Variants in PKHD1L1 observed in about 807,000 individuals in gnomAD.
PKHD1L1 encodes the protein PKHD1 like 1, also known as fibrocystin-L.
A neutral mutation model predicts 462.9 loss-of-function variants in PKHD1L1; 434 were observed. The ratio of observed to expected loss-of-function variants is 0.94; its 90% CI spans 0.87 to 1.02. The LOEUF (loss-of-function observed/expected upper bound fraction) is 1.02. Ranked by LOEUF, PKHD1L1 falls within the 50% of genes least tolerant of loss-of-function variation. PKHD1L1 has a pLI of 0.00. For missense variants in PKHD1L1, 5,202 were observed against 5,096.1 expected (o/e 1.02, Z -0.63); for synonymous variants, 1,781 against 1,750.0 (o/e 1.02, Z -0.44).
rs1334602135 is a variant in PKHD1L1, at chr8:109,381,448, T to G, written c.242T>G (p.Phe81Cys). 3.8e-6 allele frequency: 6 copies of G among 1,583,314 alleles called. No homozygotes were observed. The highest frequency in any genetic ancestry group is 5.2e-6 in the Non-Finnish European group (6 of 1,162,402). The change falls in exon 3 of 78, where the codon TTC (phenylalanine) becomes TGC (cysteine). Residue 81 changes from phenylalanine to cysteine, a missense_variant. Physicochemically the swap from Phe to Cys is radical, Grantham distance 205 (BLOSUM62 -2). This residue lies in a region of PKHD1L1 where 4,497 missense variants were observed against 4,336.8 expected (regional missense o/e 1.04). Transcript: ENST00000378402. ...AACAGTGTGCAATTAATTTCTTCTTTCCAGTCAATTACTTGTGATGTAGAA... is the reference window on the plus strand; with the variant it reads ...AACAGTGTGCAATTAATTTCTTCTTGCCAGTCAATTACTTGTGATGTAGAA... ...LGNSVQLISSFQSITCDVEKD... is the reference protein window; with the variant it reads ...LGNSVQLISSCQSITCDVEKD...
intron 74 of PKHD1L1, among the ~76,000 whole-genome samples, 176 bp from the exon 75 acceptor site, chr8:109,522,568 T>C (rs1268811553): frequency 6.6e-6 from 1 of 152,234 alleles, no homozygotes; most frequent in Non-Finnish European, 1.5e-5. Flanking sequence ...GCTTTGCATA[T>C]TTATAACAAT....
chr8:109,479,196 G>T (rs546904665), intron 53 of PKHD1L1, among the ~76,000 whole-genome samples: 1 of 152,040 alleles, frequency 6.6e-6, no homozygotes, highest in Non-Finnish European at 1.5e-5. Context: ...ACTGAAGACC[G>T]TCTGTCCTCC....
rs559784738 is a variant in PKHD1L1 at position 109,473,177 on chromosome 8, A to C, written c.8606-1941A>C. On this transcript the variant is annotated intron_variant, in intron 50 of 77. Coordinates refer to ENST00000378402, the MANE Select transcript of PKHD1L1 (RefSeq NM_177531.6). The stretch of plus-strand genomic sequence containing the variant: ...TTTGTTTCACTTGTGAAACTGAATT[A>C]TTAAGAAATGTCAGGTTAAATGCAA... 3.3e-5 allele frequency among the ~76,000 whole-genome samples: 5 copies of C among 152,330 alleles called. No individual in the cohort carries two copies. In the East Asian group the frequency reaches 9.7e-4, roughly 29 times the overall value.
rs1309370466 is a variant in PKHD1L1 at position 109,530,387 on chromosome 8, T to C, written c.*297T>C. The C allele has an allele frequency of 1.1e-5, 2 of 188,508 alleles. No individual in the cohort carries two copies. The highest frequency in any genetic ancestry group is 4.7e-5 in the African/African-American group (2 of 42,482). 11.7% of individuals were successfully genotyped at this position (188,508 alleles called of 1,614,324 possible). ...TGTACCAACAAATCATAGAATCCTT[T>C]AAATAATGGAAAGAGCTTGTCTAGT... is the stretch of plus-strand genomic sequence containing the variant. On this transcript the variant is annotated 3_prime_UTR_variant, in exon 78 of 78. Coordinates refer to ENST00000378402, the MANE Select transcript of PKHD1L1 (RefSeq NM_177531.6).
chr8:109,365,919 A>T (rs1811206907), intron 2 of PKHD1L1, among the ~76,000 whole-genome samples: 1 of 152,192 alleles, frequency 6.6e-6, no homozygotes, highest in Admixed American at 6.5e-5. Context: ...GGTTGCAGTG[A>T]GCCGAGATCG....
At chr8:109,408,984 C>T (rs1365428926) in intron 18 of PKHD1L1, among the ~76,000 whole-genome samples, 1 of 152,156 alleles carries the variant, frequency 6.6e-6, no homozygotes, top group African/African-American at 2.4e-5. Flanking sequence ...CCATAGGGGG[C>T]AGCCATTCAT....
rs767155808 is a variant in PKHD1L1, at chr8:109,508,269, G to T, written c.11395+5G>T. ...GTTATGTTGATCTTATTAATGGTAG[G>T]TATTCAATATGAGTAAACTACAATT... On this transcript the variant is annotated splice_donor_5th_base_variant and intron_variant, in intron 70 of 77. Coordinates refer to ENST00000378402, the MANE Select transcript of PKHD1L1 (RefSeq NM_177531.6). 6.3e-7 allele frequency: 1 copy of T among 1,595,896 alleles called. No individual in the cohort carries two copies. The highest frequency in any genetic ancestry group is 8.5e-7 in the Non-Finnish European group (1 of 1,172,782).
In PKHD1L1 at chr8:109,464,831, G is replaced by A. The variant is rs768523772; in HGVS notation, c.7999G>A (p.Ala2667Thr). The change falls in exon 49 of 78, where the codon GCC becomes ACC. Residue 2667 changes from alanine (A) to threonine (T), a missense_variant. By Grantham distance (58) the Ala-to-Thr change is moderately conservative (BLOSUM62 0). Around this residue, in one of 3 missense-constraint regions of PKHD1L1, gnomAD observed 4,497 missense variants for 4,336.8 expected, o/e 1.04. Transcript: ENST00000378402. The stretch of plus-strand genomic sequence containing the variant: ...AGGAGCTGAATGGGTCAATGGAGGT[G>A]CCCTTCAGTTCCATAACTTTGTGAT... ...QKGAEWVNGGALQFHNFVMVN... is the reference protein window; with the variant it reads ...QKGAEWVNGGTLQFHNFVMVN... 1.2e-6 allele frequency: 2 copies of A among 1,613,802 alleles called. No individual in the cohort carries two copies. Among genetic ancestry groups the A allele is most frequent in the South Asian group, 1.1e-5 (1 of 91,086 alleles).
chr8:109,489,432 C>T (rs1453072864), intron 59 of PKHD1L1, among the ~76,000 whole-genome samples: 1 of 151,882 alleles, frequency 6.6e-6, no homozygotes, highest in African/African-American at 2.4e-5. Flanking sequence ...TAAAATTACC[C>T]TTTGTCACCT....
intron 26 of PKHD1L1, among the ~76,000 whole-genome samples, chr8:109,429,681 A>G (rs1814981940): frequency 6.6e-6 from 1 of 152,162 alleles, no homozygotes. Flanking sequence ...ACTATGCCAG[A>G]ATTTGAAAAT....
At chr8:109,479,526 G>A in intron 53 of PKHD1L1, 25 bp from the exon 54 acceptor site, 1 of 1,359,716 alleles carries the variant, frequency 7.4e-7, no homozygotes, top group African/African-American at 1.4e-5. Context: ...AGTAATTCAT[G>A]GAAGTATTTC....
chr8:109,395,064 C>T (rs1403621405), intron 10 of PKHD1L1, among the ~76,000 whole-genome samples: 3 of 152,086 alleles, frequency 2.0e-5, no homozygotes, highest in South Asian at 4.1e-4. Flanking sequence ...TGCTCAGCAT[C>T]GGGAGAGAGT....
chr8:109,476,975 A>T (rs1162149654), intron 52 of PKHD1L1, among the ~76,000 whole-genome samples: 1 of 152,154 alleles, frequency 6.6e-6, no homozygotes, highest in African/African-American at 2.4e-5. Flanking sequence ...TTATTTAATT[A>T]TTTGGAAAAT....
intron 50 of PKHD1L1, 37 bp downstream of exon 50, chr8:109,466,806 A>G: frequency 2.6e-6 from 4 of 1,524,778 alleles, no homozygotes; most frequent in Non-Finnish European, 2.7e-6. Context: ...ACTAATTTAA[A>G]TATATCTTCC....
In PKHD1L1 at chr8:109,518,482, T is replaced by C. The variant is rs1820388134; in HGVS notation, c.12005T>C (p.Ile4002Thr). 1 of 1,603,354 alleles carries C rather than the reference T, an allele frequency of 6.2e-7. No homozygotes were observed. Among genetic ancestry groups the C allele is most frequent in the African/African-American group, 1.3e-5 (1 of 74,804 alleles). ...IIEIEIGDPP[I>T]QFISNGTTGQ... ...GAAATAGAGATTGGAGACCCTCCTA[T>C]TCAGTTCATAAGCAATGGCACCACA... The change falls in exon 73 of 78, where the codon ATT becomes ACT. Residue 4002 changes from isoleucine to threonine, a missense_variant. Ile to Thr is a moderately conservative substitution (Grantham distance 89, BLOSUM62 -1). Around this residue, in one of 3 missense-constraint regions of PKHD1L1, gnomAD observed 698 missense variants for 736.3 expected, o/e 0.95. Coordinates refer to ENST00000378402, the MANE Select transcript of PKHD1L1 (RefSeq NM_177531.6).
At chr8:109,419,638 C>T (rs1011289474) in intron 22 of PKHD1L1, among the ~76,000 whole-genome samples, 6 of 152,004 alleles carry the variant, frequency 3.9e-5, no homozygotes, top group African/African-American at 9.7e-5. Flanking sequence ...CTACTAAGAT[C>T]GACTTGAAAC....
chr8:109,497,373 T>G, intron 65 of PKHD1L1, 101 bp downstream of exon 65: 30 of 1,334,540 alleles, frequency 2.2e-5, no homozygotes, highest in East Asian at 4.9e-5. Flanking sequence ...CTTCTATCTC[T>G]GTCTCGCCCA....
intron 27 of PKHD1L1, among the ~76,000 whole-genome samples, chr8:109,432,709 A>G (rs1196041823): frequency 3.9e-5 from 6 of 152,222 alleles, no homozygotes; most frequent in African/African-American, 1.4e-4. Context: ...AAGTGTCCAT[A>G]CCACTAATTG....
intron 4 of PKHD1L1, among the ~76,000 whole-genome samples, chr8:109,383,637 G>A (rs1382063224): frequency 2.7e-5 from 4 of 150,904 alleles, no homozygotes; most frequent in Non-Finnish European, 4.4e-5. Context: ...AAAATATATT[G>A]CCAAATACGA....
Sources: gnomAD v4.1 joint callset for allele counts (sites outside exome capture counted in the v4.1 genomes callset) on GRCh38, gnomAD v4.1.1 for gene constraint, gnomAD v4.1.1 regional missense constraint, MANE v1.5 for transcripts, NCBI Gene and HGNC (gene_info 2026-07-23, HGNC 2026-07-21) for gene names.